The following NIPAL2 variants were observed in gnomAD, a reference collection of about 807,000 sequenced individuals.
The protein encoded by NIPAL2 is NIPA like domain containing 2, also known as NIPA-like protein 2.
NIPAL2 carries 43 observed loss-of-function variants against 48.9 expected under a neutral mutation model. That is an observed-to-expected ratio of 0.88 (90% CI 0.69 to 1.13). The LOEUF is 1.13. Ranked by LOEUF, NIPAL2 falls within the 50% of genes most tolerant of loss-of-function variation. NIPAL2 has a pLI of 0.00. For missense variants in NIPAL2, 446 were observed against 461.4 expected (o/e 0.97, Z 0.31); for synonymous variants, 167 against 174.6 (o/e 0.96, Z 0.34).
intron 8 of NIPAL2, 96 bp downstream of exon 8, chr8:98,203,012 T>A: frequency 1.0e-6 from 1 of 956,912 alleles, no homozygotes; most frequent in East Asian, 2.5e-5. Context: ...GCAACACAGA[T>A]CCTTACAACC....
At chr8:98,253,299 T>C (rs1449358580) in intron 2 of NIPAL2, among the ~76,000 whole-genome samples, 2 of 152,186 alleles carry the variant, frequency 1.3e-5, no homozygotes, top group African/African-American at 4.8e-5. Flanking sequence ...TGCAATGCAT[T>C]CCCTGAGGAT....
At chr8:98,258,966 GGC>G (rs1491246382) in intron 1 of NIPAL2, among the ~76,000 whole-genome samples, 1 of 150,630 alleles carries the variant, frequency 6.6e-6, no homozygotes, top group Non-Finnish European at 1.5e-5. Context: ...GGCAGGATTT[GGC>G]AATAATTTCT....
At position 98,197,262 on chromosome 8, in the gene NIPAL2, C is replaced by A. The variant is rs564242421; in HGVS notation, c.881-1257G>T. On this transcript the variant is annotated intron_variant, in intron 8 of 10. Coordinates refer to ENST00000430223, the MANE Select transcript of NIPAL2 (RefSeq NM_001321635.2). The stretch of plus-strand genomic sequence containing the variant: ...ACATAAAAGTTATGTTTACACTGTA[C>A]TGTAGTTTATCAAATGTGCAATAGC... Among the ~76,000 whole-genome samples the A allele has an allele frequency of 2.6e-3, 396 of 152,142 alleles. 1 individual carries two copies. Among genetic ancestry groups the A allele is most frequent in the Non-Finnish European group, 4.4e-3 (302 of 68,008 alleles).
intron 1 of NIPAL2, among the ~76,000 whole-genome samples, chr8:98,280,757 T>TAGAGAGAGAGAGAGAGAGAG (rs1225269994): frequency 3.4e-5 from 1 of 29,316 alleles, no homozygotes; most frequent in Non-Finnish European, 8.0e-5. Flanking sequence ...TATATATATA[T>TAGAGAGAGAGAGAGAGAGAG]ATATAGAGAG....
intron 8 of NIPAL2, among the ~76,000 whole-genome samples, chr8:98,201,621 G>T (rs1317248622): frequency 6.6e-6 from 1 of 151,974 alleles, no homozygotes; most frequent in Non-Finnish European, 1.5e-5. Flanking sequence ...TCCGATCAGG[G>T]CAACTATATT....
At chr8:98,215,523 C>T (rs2130733965) in intron 5 of NIPAL2, among the ~76,000 whole-genome samples, 1 of 152,318 alleles carries the variant, frequency 6.6e-6, no homozygotes, top group East Asian at 1.9e-4. Context: ...GTGCACTGTT[C>T]TCAGAGCTTC....
intron 8 of NIPAL2, among the ~76,000 whole-genome samples, chr8:98,202,315 A>G (rs139647255): frequency 2.5e-4 from 38 of 152,320 alleles, no homozygotes; most frequent in Admixed American, 2.2e-3. Context: ...AGAATTGGGC[A>G]TGTATGGCCC....
At chr8:98,274,122 A>G (rs960999455) in intron 1 of NIPAL2, among the ~76,000 whole-genome samples, 7 of 152,082 alleles carry the variant, frequency 4.6e-5, no homozygotes, top group Non-Finnish European at 8.8e-5. Flanking sequence ...TTATGACCTA[A>G]TACATGGTAT....
chr8:98,230,705 G>C (rs1812400499), intron 4 of NIPAL2, among the ~76,000 whole-genome samples: 1 of 152,112 alleles, frequency 6.6e-6, no homozygotes, highest in Admixed American at 6.6e-5. Context: ...AGATACCTGT[G>C]CACCAAAAAT....
At chr8:98,237,411 T>A (rs1244048910) in intron 3 of NIPAL2, among the ~76,000 whole-genome samples, 2 of 152,026 alleles carry the variant, frequency 1.3e-5, no homozygotes, top group East Asian at 3.9e-4. Flanking sequence ...ACCAGCCCTA[T>A]CCCAAGCTCA....
chr8:98,286,823 A>C (rs539276979), intron 1 of NIPAL2, among the ~76,000 whole-genome samples: 2,317 of 149,022 alleles, frequency 0.016, 89 homozygotes, highest in African/African-American at 0.052. Flanking sequence ...AAAAAAAAAA[A>C]AAAAAAAAAA....
chr8:98,246,700 T>C (rs1415711356), intron 3 of NIPAL2, among the ~76,000 whole-genome samples: 1 of 152,314 alleles, frequency 6.6e-6, no homozygotes, highest in Non-Finnish European at 1.5e-5. Flanking sequence ...CGAATTTAAC[T>C]TGGAAAAAGC....
chr8:98,234,148 C>T (rs1296427154), intron 4 of NIPAL2, among the ~76,000 whole-genome samples: 2 of 152,048 alleles, frequency 1.3e-5, no homozygotes, highest in East Asian at 3.9e-4. Context: ...CACAGGGCAG[C>T]CCCTACAATG....
chr8:98,226,584 GTC>G (rs1244340882), intron 4 of NIPAL2, among the ~76,000 whole-genome samples: 1 of 151,876 alleles, frequency 6.6e-6, no homozygotes, highest in Non-Finnish European at 1.5e-5. Flanking sequence ...CAAACAAACA[GTC>G]TCTCTCTCTC....
In NIPAL2 at chr8:98,212,505, G is replaced by A. The variant is rs748532872; in HGVS notation, c.559-4C>T. ...AGAAAATTAATATTTCTAAAATCTA[G>A]AAATGAAAAAGATGGAAAAGAGTAA... On this transcript the variant is annotated splice_polypyrimidine_tract_variant and splice_region_variant and intron_variant, in intron 5 of 10. Coordinates refer to ENST00000430223, the MANE Select transcript of NIPAL2 (RefSeq NM_001321635.2). 1 of 1,312,250 alleles carries A rather than the reference G, an allele frequency of 7.6e-7. No individual in the cohort carries two copies. The highest frequency in any genetic ancestry group is 1.2e-5 in the South Asian group (1 of 84,100). 81.3% of individuals were successfully genotyped at this position (1,312,250 alleles called of 1,614,324 possible).
intron 1 of NIPAL2, among the ~76,000 whole-genome samples, chr8:98,289,514 CTT>C (rs57283132): frequency 5.5e-5 from 8 of 145,956 alleles, no homozygotes; most frequent in African/African-American, 1.0e-4. Flanking sequence ...CTTCTTCTTG[CTT>C]TTTTTTTTTT....
chr8:98,273,249 A>G (rs1462193006), intron 1 of NIPAL2, among the ~76,000 whole-genome samples: 1 of 152,212 alleles, frequency 6.6e-6, no homozygotes, highest in African/African-American at 2.4e-5. Flanking sequence ...TGCTAAGTGG[A>G]AGAATTCAGT....
At chr8:98,217,756 G>A (rs1051982955) in intron 5 of NIPAL2, among the ~76,000 whole-genome samples, 2 of 151,472 alleles carry the variant, frequency 1.3e-5, no homozygotes, top group African/African-American at 2.4e-5. Flanking sequence ...CTTTATTAAA[G>A]GTTTATTTTA....
intron 4 of NIPAL2, among the ~76,000 whole-genome samples, chr8:98,231,549 G>GA (rs1563507151): frequency 6.6e-6 from 1 of 152,188 alleles, no homozygotes; most frequent in Non-Finnish European, 1.5e-5. Flanking sequence ...GTCTAAGGGA[G>GA]AAGAGAGAAG....
Sources: gnomAD v4.1 joint callset for allele counts (sites outside exome capture counted in the v4.1 genomes callset) on GRCh38, gnomAD v4.1.1 for gene constraint, MANE v1.5 for transcripts, NCBI Gene and HGNC (gene_info 2026-07-23, HGNC 2026-07-21) for gene names.